NSF: variants seen among roughly 807,000 people sequenced by gnomAD.
The protein encoded by NSF is vesicle-fusing ATPase.
Under a neutral mutation model 50.3 loss-of-function variants are expected in NSF, and 14 were observed. The ratio of observed to expected loss-of-function variants is 0.28; its 90% CI spans 0.18 to 0.44. The LOEUF is 0.44. Ranked by LOEUF, NSF falls within the 20% of genes least tolerant of loss-of-function variation. The probability of loss-of-function intolerance (pLI) is 1.00; values close to 1 mark genes in which losing one functional copy is unlikely to be tolerated. For missense variants in NSF, 218 were observed against 504.3 expected (o/e 0.43, Z 5.44); for synonymous variants, 109 against 175.7 (o/e 0.62, Z 3.00).
intron 17 of NSF, among the ~76,000 whole-genome samples, chr17:46,733,259 G>A (rs569136553): frequency 3.9e-5 from 6 of 152,316 alleles, no homozygotes; most frequent in African/African-American, 1.4e-4. Flanking sequence ...CAAGGAGGAA[G>A]CGGTAGTGAG....
In NSF at chr17:46,711,589, A is replaced by G. The variant is rs556778478; in HGVS notation, c.1627+470A>G. Reference sequence around the variant, plus strand: ...ATTTAGCATAGGGGTGGTCAGGGAAAACTAGAGATGCTATTTAATCTAGGC... The same window carrying G: ...ATTTAGCATAGGGGTGGTCAGGGAAGACTAGAGATGCTATTTAATCTAGGC... On this transcript the variant is annotated intron_variant, in intron 14 of 20. Transcript: ENST00000398238. Among the ~76,000 whole-genome samples, 3 of 152,342 alleles carry G rather than the reference A, an allele frequency of 2.0e-5. No homozygotes were observed. The South Asian group carries it at 6.2e-4, about 32-fold the overall frequency.
chr17:46,755,784 T>C lies in NSF; in HGVS notation c.2214-18T>C, dbSNP rs1323412376. The stretch of plus-strand genomic sequence containing the variant: ...GGACCCTCATCTGTTTTTTTGTGTT[T>C]TGGTATTTCTTTTGCAGTAGCCCCC... On this transcript the variant is annotated intron_variant, in intron 20 of 20. Coordinates refer to ENST00000398238, the MANE Select transcript of NSF (RefSeq NM_006178.4). 1 of 1,609,010 alleles carries C rather than the reference T, an allele frequency of 6.2e-7. No homozygotes were observed. The highest frequency in any genetic ancestry group is 8.5e-7 in the Non-Finnish European group (1 of 1,178,932).
intron 8 of NSF, among the ~76,000 whole-genome samples, chr17:46,667,209 A>ATG (rs200984013): frequency 0.15 from 18,154 of 123,858 alleles, 2,614 homozygotes; most frequent in East Asian, 0.59. Flanking sequence ...TAAGTGCTTT[A>ATG]TGTGCATTAT....
intron 12 of NSF, among the ~76,000 whole-genome samples, chr17:46,697,462 A>G (rs1374523211): frequency 3.4e-5 from 5 of 148,158 alleles, no homozygotes; most frequent in East Asian, 4.2e-4. Context: ...CGCCCGCCTC[A>G]GCCTCCCAAA....
At chr17:46,661,407 T>TATTATTA (rs1555670352) in intron 8 of NSF, among the ~76,000 whole-genome samples, 2 of 107,292 alleles carry the variant, frequency 1.9e-5, no homozygotes, top group African/African-American at 7.3e-5. Context: ...TTATTATTAT[T>TATTATTA]ATTTTTGAGA....
intron 9 of NSF, among the ~76,000 whole-genome samples, chr17:46,679,061 G>A (rs1365186283): frequency 6.6e-6 from 1 of 151,942 alleles, no homozygotes; most frequent in Non-Finnish European, 1.5e-5. Flanking sequence ...CATTTATAGA[G>A]AGCTTACCTA....
At chr17:46,714,039 T>C in intron 15 of NSF, 53 bp downstream of exon 15, 8 of 1,541,882 alleles carry the variant, frequency 5.2e-6, no homozygotes, top group Non-Finnish European at 6.1e-6. Flanking sequence ...TGTGTGTGTG[T>C]GTGCACATAT....
At chr17:46,671,939 C>T (rs1443331198) in intron 8 of NSF, among the ~76,000 whole-genome samples, 2 of 143,758 alleles carry the variant, frequency 1.4e-5, no homozygotes, top group Non-Finnish European at 3.1e-5. Flanking sequence ...TAAGCACGGT[C>T]CATAAATTAA....
At chr17:46,696,354 G>C (rs1024721976) in intron 12 of NSF, among the ~76,000 whole-genome samples, 3 of 140,962 alleles carry the variant, frequency 2.1e-5, no homozygotes, top group Middle Eastern at 3.4e-3. Flanking sequence ...CCATTAAGCT[G>C]CCCTCAGTCT....
chr17:46,735,182 A>G (rs1478928943), intron 17 of NSF, among the ~76,000 whole-genome samples: 1 of 152,246 alleles, frequency 6.6e-6, no homozygotes, highest in Non-Finnish European at 1.5e-5. Flanking sequence ...TATAGTAGAT[A>G]TTAATACCAG....
At chr17:46,739,386 A>AG (rs1018560761) in intron 17 of NSF, among the ~76,000 whole-genome samples, 1 of 149,558 alleles carries the variant, frequency 6.7e-6, no homozygotes, top group Non-Finnish European at 1.5e-5. Context: ...AAAAAAAAAA[A>AG]AAAAAAGCCA....
intron 15 of NSF, 77 bp downstream of exon 15, chr17:46,714,063 C>T: frequency 1.4e-6 from 2 of 1,418,980 alleles, no homozygotes; most frequent in Non-Finnish European, 1.9e-6. Context: ...TGCCTTTGTA[C>T]ATGTATACAT....
chr17:46,728,846 C>G lies in NSF; in HGVS notation c.1829-9C>G. 1 of 1,577,938 alleles carries G rather than the reference C, an allele frequency of 6.3e-7. No individual in the cohort carries two copies. The highest frequency in any genetic ancestry group is 8.6e-7 in the Non-Finnish European group (1 of 1,158,422). Reference sequence around the variant, plus strand: ...CAAATCCCTAAACATAATAATGTTTCTTTTCCAGATTACGTCCCTATTGGC... The same window carrying G: ...CAAATCCCTAAACATAATAATGTTTGTTTTCCAGATTACGTCCCTATTGGC... On this transcript the variant is annotated splice_polypyrimidine_tract_variant and intron_variant, in intron 16 of 20. Transcript: ENST00000398238.
chr17:46,748,121 T>TTTA (rs2059149084), intron 17 of NSF, among the ~76,000 whole-genome samples: 1 of 152,166 alleles, frequency 6.6e-6, no homozygotes, highest in South Asian at 2.1e-4. Context: ...TTATTTATTT[T>TTTA]TTTGAGATGG....
intron 17 of NSF, among the ~76,000 whole-genome samples, chr17:46,729,539 T>C (rs1412087518): frequency 1.0e-4 from 1 of 9,602 alleles, no homozygotes; most frequent in African/African-American, 1.5e-4. Flanking sequence ...CCTATGAAGG[T>C]TGGTTAAATA....
intron 17 of NSF, among the ~76,000 whole-genome samples, chr17:46,735,139 T>G (rs2058987948): frequency 6.6e-6 from 1 of 152,160 alleles, no homozygotes; most frequent in African/African-American, 2.4e-5. Context: ...ATTTTCAAAA[T>G]AGGGTTTTGT....
chr17:46,737,907 CATA>C (rs1186164054), intron 17 of NSF, among the ~76,000 whole-genome samples: 1 of 125,412 alleles, frequency 8.0e-6, no homozygotes, highest in African/African-American at 3.0e-5. Flanking sequence ...CTAAAATTAG[CATA>C]TTATTATTAT....
Position 46,719,280 on chromosome 17 carries a change from C to T in NSF, c.1761+5294C>T, listed in dbSNP as rs2058804898. On this transcript the variant is annotated intron_variant, in intron 15 of 20. Coordinates refer to ENST00000398238, the MANE Select transcript of NSF (RefSeq NM_006178.4). The surrounding 1 kb of genome is among the most constrained non-coding windows in gnomAD (Gnocchi z 4.3). ...GATGTGTGGTCTGAATTAGTTAATT[C>T]ATAGAGCATCTTTACCTACCACTTT... 6.6e-6 allele frequency among the ~76,000 whole-genome samples: 1 copy of T among 152,120 alleles called. No individual in the cohort carries two copies. The highest frequency in any genetic ancestry group is 2.4e-5 in the African/African-American group (1 of 41,414).
intron 15 of NSF, among the ~76,000 whole-genome samples, chr17:46,726,035 G>T (rs145174521): frequency 6.6e-6 from 1 of 152,004 alleles, no homozygotes; most frequent in Non-Finnish European, 1.5e-5. Context: ...GGTTTTATAC[G>T]TACATCTATC....
Sources: allele counts gnomAD v4.1 joint callset (sites outside exome capture counted in the v4.1 genomes callset), GRCh38; gene constraint gnomAD v4.1.1; non-coding constraint Gnocchi (gnomAD v3.1); transcripts MANE v1.5; gene names NCBI Gene and HGNC (gene_info 2026-07-23, HGNC 2026-07-21).